The following CREBRF variants were observed in gnomAD, a reference collection of about 807,000 sequenced individuals.
The protein encoded by CREBRF is CREB3 regulatory factor, also known as UPF0474 protein C5orf41.
Under a neutral mutation model 66.1 loss-of-function variants are expected in CREBRF, and 5 were observed. That is an observed-to-expected ratio of 0.08 (90% CI 0.04 to 0.16). The LOEUF (loss-of-function observed/expected upper bound fraction) is 0.16, where lower values mean the gene tolerates loss of function less well. CREBRF is among the 10% of genes least tolerant of loss of function. The pLI is 1.00. For synonymous variants in CREBRF, 229 were observed against 264.4 expected (o/e 0.87, Z 1.30); for missense variants, 531 against 744.9 (o/e 0.71, Z 3.34).
chr5:173,131,157 G>GCTACATTTGCTTTATTTCTACCTCTAT, intron 8 of CREBRF, among the ~76,000 whole-genome samples: 1 of 152,262 alleles, frequency 6.6e-6, no homozygotes, highest in Admixed American at 6.5e-5. Context: ...TTAATATTTT[G>GCTACATTTGCTTTATTTCTACCTCTAT]CTACATTTGC....
intron 7 of CREBRF, among the ~76,000 whole-genome samples, chr5:173,118,707 C>T (rs775790050): frequency 6.7e-6 from 1 of 150,258 alleles, no homozygotes; most frequent in South Asian, 2.1e-4. Context: ...ATACATTTAT[C>T]TTCCTTTATG....
At position 173,080,608 on chromosome 5, in the gene CREBRF, A is replaced by T. The variant is rs189329887; in HGVS notation, c.-168A>T. 767 of 608,530 alleles carry T rather than the reference A, an allele frequency of 1.3e-3. 3 individuals are homozygous for T. The highest frequency in any genetic ancestry group is 5.0e-3 in the African/African-American group (267 of 53,848). 37.7% of individuals were successfully genotyped at this position (608,530 alleles called of 1,614,324 possible). A position where few individuals can be genotyped will look rare whatever the true frequency, so the allele number is the denominator to read the frequency against. On this transcript the variant is annotated 5_prime_UTR_variant, in exon 2 of 9. Transcript: ENST00000296953. ...AGACAGCATCGCACAGAATTATTTT[A>T]AAAAAAAGCAGTGATCCAAGCAATT...
chr5:173,063,412 C>T (rs918247610), intron 1 of CREBRF, among the ~76,000 whole-genome samples: 17 of 152,186 alleles, frequency 1.1e-4, no homozygotes, highest in African/African-American at 3.4e-4. Context: ...CTGTTGCCCA[C>T]GCTGGAGTGC....
intron 7 of CREBRF, among the ~76,000 whole-genome samples, chr5:173,121,979 C>G (rs1289408843): frequency 2.0e-5 from 3 of 152,228 alleles, no homozygotes; most frequent in African/African-American, 7.2e-5. Context: ...ATTCCCCTGC[C>G]TCAGCCTCCC....
chr5:173,101,628 C>G (rs1581688005), intron 4 of CREBRF, among the ~76,000 whole-genome samples: 1 of 151,782 alleles, frequency 6.6e-6, no homozygotes, highest in East Asian at 1.9e-4. Context: ...TCTTGACTCA[C>G]TGCAACCTCT....
Position 173,134,838 on chromosome 5 carries a change from G to A in CREBRF, c.*1093G>A, listed in dbSNP as rs1033770480. On this transcript the variant is annotated 3_prime_UTR_variant, in exon 9 of 9. Coordinates refer to ENST00000296953, the MANE Select transcript of CREBRF (RefSeq NM_153607.3). ...TTGGGTCCAATTATCTACAGAAGGA[G>A]CATCCATACATACAAATATTATTTT... 1 of 152,416 alleles carries A rather than the reference G, an allele frequency of 6.6e-6. No homozygotes were observed. Among genetic ancestry groups the A allele is most frequent in the African/African-American group, 2.4e-5 (1 of 41,420 alleles). 9.4% of individuals were successfully genotyped at this position (152,416 alleles called of 1,614,324 possible). A position where few individuals can be genotyped will look rare whatever the true frequency, so the allele number is the denominator to read the frequency against.
chr5:173,110,481 T>A, intron 5 of CREBRF, 41 bp from the exon 6 acceptor site: 1 of 1,444,156 alleles, frequency 6.9e-7, no homozygotes, highest in Non-Finnish European at 9.8e-7. Flanking sequence ...CTCTTGTTAA[T>A]TAAAGTGATC....
At chr5:173,094,267 A>G (rs189863880) in intron 4 of CREBRF, among the ~76,000 whole-genome samples, 8 of 152,202 alleles carry the variant, frequency 5.3e-5, no homozygotes, top group Admixed American at 2.0e-4. Flanking sequence ...TATCTCTTCA[A>G]GATACTGGCT....
intron 4 of CREBRF, among the ~76,000 whole-genome samples, chr5:173,100,976 A>G (rs1478651918): frequency 6.6e-6 from 1 of 152,116 alleles, no homozygotes; most frequent in African/African-American, 2.4e-5. Context: ...GTGCATCATC[A>G]TGCCCAACTT....
intron 1 of CREBRF, among the ~76,000 whole-genome samples, chr5:173,057,067 G>A (rs896163898): frequency 1.3e-5 from 2 of 152,078 alleles, no homozygotes; most frequent in African/African-American, 2.4e-5. Context: ...TTCTGTCCCC[G>A]CCTCAGAGGC....
chr5:173,134,265 A>AATATAT lies in CREBRF; in HGVS notation c.*540_*545dup, dbSNP rs748323611. The stretch of plus-strand genomic sequence containing the variant: ...GTCAGAGCTCAAGATGATATATATA[A>AATATAT]ATATATATATATATATATATATATA... On this transcript the variant is annotated 3_prime_UTR_variant, in exon 9 of 9. Transcript: ENST00000296953. 288 of 139,306 alleles carry AATATAT rather than the reference A, an allele frequency of 2.1e-3. 1 individual carries two copies. The highest frequency in any genetic ancestry group is 5.7e-3 in the Admixed American group (78 of 13,794). 8.6% of individuals were successfully genotyped at this position (139,306 alleles called of 1,614,324 possible). A position where few individuals can be genotyped will look rare whatever the true frequency, so the allele number is the denominator to read the frequency against.
intron 7 of CREBRF, among the ~76,000 whole-genome samples, chr5:173,121,663 G>T (rs180927312): frequency 2.4e-3 from 361 of 152,196 alleles, no homozygotes; most frequent in Middle Eastern, 0.01. Flanking sequence ...AGCTTTTCAA[G>T]GTGGGGAAAT....
chr5:173,129,411 C>T (rs1016009736), intron 8 of CREBRF, among the ~76,000 whole-genome samples: 7 of 152,084 alleles, frequency 4.6e-5, no homozygotes, highest in East Asian at 1.9e-4. Flanking sequence ...CCACCGCGCC[C>T]GGCCAGTTAC....
intron 7 of CREBRF, among the ~76,000 whole-genome samples, chr5:173,113,366 T>C (rs1265148417): frequency 1.3e-5 from 2 of 151,874 alleles, no homozygotes; most frequent in East Asian, 3.9e-4. Context: ...TGGAGTGCAG[T>C]GGCACGATCT....
chr5:173,122,368 T>G (rs1468298891), intron 7 of CREBRF, among the ~76,000 whole-genome samples: 1 of 152,196 alleles, frequency 6.6e-6, no homozygotes, highest in Non-Finnish European at 1.5e-5. Context: ...CCCAAAGTGT[T>G]GGGATTATAG....
At chr5:173,094,561 CTTG>C (rs770058822) in intron 4 of CREBRF, among the ~76,000 whole-genome samples, 9 of 152,090 alleles carry the variant, frequency 5.9e-5, no homozygotes, top group Non-Finnish European at 8.8e-5. Context: ...TTTTCATATA[CTTG>C]TTGGCCATTT....
intron 8 of CREBRF, among the ~76,000 whole-genome samples, chr5:173,132,297 G>T (rs1759449206): frequency 6.6e-6 from 1 of 151,284 alleles, no homozygotes. Context: ...ATGTTGGCCA[G>T]GCTGGTCTCA....
intron 8 of CREBRF, among the ~76,000 whole-genome samples, chr5:173,130,143 G>T (rs1375690815): frequency 1.3e-5 from 2 of 152,138 alleles, no homozygotes; most frequent in Non-Finnish European, 2.9e-5. Context: ...TATGTAGCAT[G>T]TATTTGGATT....
intron 4 of CREBRF, chr5:173,092,194 A>T (rs572221189): frequency 2.1e-6 from 2 of 957,158 alleles, no homozygotes; most frequent in South Asian, 9.7e-5. Context: ...ATGATGGTTT[A>T]TATTACTCAT....
Sources: gnomAD v4.1 joint callset for allele counts (sites outside exome capture counted in the v4.1 genomes callset) on GRCh38, gnomAD v4.1.1 for gene constraint, MANE v1.5 for transcripts, NCBI Gene and HGNC (gene_info 2026-07-23, HGNC 2026-07-21) for gene names.